Variants in DCBLD2 observed in about 807,000 individuals in gnomAD.
DCBLD2 encodes the protein discoidin, CUB and LCCL domain-containing protein 2.
In DCBLD2, 54 loss-of-function variants were observed where a neutral mutation model predicts 86.8. The ratio of observed to expected loss-of-function variants is 0.62; its 90% CI spans 0.50 to 0.78. DCBLD2 has a LOEUF of 0.78. Ranked by LOEUF, DCBLD2 falls within the 30% of genes least tolerant of loss-of-function variation. DCBLD2 has a pLI of 0.00. For synonymous variants in DCBLD2, 354 were observed against 341.3 expected (o/e 1.04, Z -0.41); for missense variants, 908 against 954.2 (o/e 0.95, Z 0.64).
chr3:98,822,365 A>C lies in DCBLD2; in HGVS notation c.697-4T>G. 1.2e-6 allele frequency: 2 copies of C among 1,606,848 alleles called. No individual in the cohort carries two copies. Among genetic ancestry groups the C allele is most frequent in the Non-Finnish European group, 1.7e-6 (2 of 1,177,872 alleles). On this transcript the variant is annotated splice_region_variant and splice_polypyrimidine_tract_variant and intron_variant, in intron 5 of 15. Coordinates refer to ENST00000326840, the MANE Select transcript of DCBLD2 (RefSeq NM_080927.4). Reference sequence around the variant, plus strand: ...CAGCCATGCACAATGGCGAGGACTTAAGGAAGGGAAAAGAAAAGATTCATT... The same window carrying C: ...CAGCCATGCACAATGGCGAGGACTTCAGGAAGGGAAAAGAAAAGATTCATT...
chr3:98,884,829 G>T (rs551427165), intron 1 of DCBLD2, among the ~76,000 whole-genome samples: 2 of 152,242 alleles, frequency 1.3e-5, no homozygotes, highest in Non-Finnish European at 2.9e-5. Context: ...CTGAATCTAC[G>T]ACTTTGTAGT....
chr3:98,870,735 GAAAA>G (rs1172879709), intron 2 of DCBLD2, among the ~76,000 whole-genome samples: 16 of 60,210 alleles, frequency 2.7e-4, no homozygotes, highest in African/African-American at 1.1e-3. Flanking sequence ...AGAAAAGAAA[GAAAA>G]AGAAAGAAAG....
At chr3:98,844,034 G>GCACACATACACACACA (rs1942671768) in intron 3 of DCBLD2, among the ~76,000 whole-genome samples, 1 of 145,526 alleles carries the variant, frequency 6.9e-6, no homozygotes, top group Admixed American at 6.9e-5. Context: ...AATCATGCAT[G>GCACACATACACACACA]CACACACACA....
At chr3:98,826,318 G>A (rs924182037) in intron 3 of DCBLD2, among the ~76,000 whole-genome samples, 3 of 152,086 alleles carry the variant, frequency 2.0e-5, no homozygotes, top group African/African-American at 7.2e-5. Context: ...TTGGCTTCTC[G>A]CCGCTCCAGT....
intron 4 of DCBLD2, among the ~76,000 whole-genome samples, chr3:98,823,437 C>A (rs979330051): frequency 9.2e-5 from 14 of 152,166 alleles, no homozygotes; most frequent in South Asian, 6.2e-4. Flanking sequence ...AAAAGAGGTG[C>A]ATTCATTCAC....
chr3:98,826,658 C>T (rs764019387), intron 3 of DCBLD2, among the ~76,000 whole-genome samples: 12 of 152,160 alleles, frequency 7.9e-5, no homozygotes, highest in Non-Finnish European at 1.6e-4. Flanking sequence ...TTTGTCCTCA[C>T]CTTTGTATTT....
chr3:98,847,382 C>G (rs977706010), intron 3 of DCBLD2, among the ~76,000 whole-genome samples: 2 of 152,124 alleles, frequency 1.3e-5, no homozygotes, highest in African/African-American at 2.4e-5. Context: ...CTGGTTCTGT[C>G]GAAAATATTA....
At chr3:98,869,514 AT>A (rs1247944666) in intron 2 of DCBLD2, among the ~76,000 whole-genome samples, 5 of 152,138 alleles carry the variant, frequency 3.3e-5, no homozygotes, top group Middle Eastern at 3.2e-3. Context: ...GCCTACGCCA[AT>A]ATCCAGAATT....
intron 2 of DCBLD2, among the ~76,000 whole-genome samples, chr3:98,861,583 C>T (rs1421721523): frequency 6.6e-6 from 1 of 152,074 alleles, no homozygotes; most frequent in Non-Finnish European, 1.5e-5. Context: ...CACTCAAAAC[C>T]GCTCAACAAC....
At chr3:98,844,199 T>C (rs1250045103) in intron 3 of DCBLD2, among the ~76,000 whole-genome samples, 1 of 152,110 alleles carries the variant, frequency 6.6e-6, no homozygotes, top group Non-Finnish European at 1.5e-5. Context: ...ATTCTACAAA[T>C]GTCCAGTTCC....
intron 3 of DCBLD2, among the ~76,000 whole-genome samples, chr3:98,848,950 A>AGG (rs1420641447): frequency 6.6e-6 from 1 of 152,156 alleles, no homozygotes; most frequent in African/African-American, 2.4e-5. Context: ...CAGGCGGATC[A>AGG]CCTGGGGTCA....
At chr3:98,872,603 T>C (rs997558961) in intron 2 of DCBLD2, among the ~76,000 whole-genome samples, 3 of 152,140 alleles carry the variant, frequency 2.0e-5, no homozygotes, top group Non-Finnish European at 4.4e-5. Flanking sequence ...AGAAGTCTAG[T>C]TCATTGAATG....
In DCBLD2 at chr3:98,822,653, T is replaced by G. The variant is rs1332958642; in HGVS notation, c.696+16A>C. ...AGTTATATCACAATTTTCAAATAAG[T>G]TTATATCTGGCTTACATCTCTATAT... On this transcript the variant is annotated intron_variant, in intron 5 of 15. Coordinates refer to ENST00000326840, the MANE Select transcript of DCBLD2 (RefSeq NM_080927.4). 6.4e-7 allele frequency: 1 copy of G among 1,555,786 alleles called. No individual in the cohort carries two copies. Among genetic ancestry groups the G allele is most frequent in the Non-Finnish European group, 8.7e-7 (1 of 1,152,226 alleles).
intron 2 of DCBLD2, among the ~76,000 whole-genome samples, chr3:98,863,942 T>G (rs1943093018): frequency 6.6e-6 from 1 of 152,072 alleles, no homozygotes; most frequent in Non-Finnish European, 1.5e-5. Flanking sequence ...GGGAGAAAAT[T>G]TTTGCAATCT....
rs1170478412 is a variant in DCBLD2 at position 98,799,135 on chromosome 3, T to A, written c.*237A>T. On this transcript the variant is annotated 3_prime_UTR_variant, in exon 16 of 16. Coordinates refer to ENST00000326840, the MANE Select transcript of DCBLD2 (RefSeq NM_080927.4). Reference sequence around the variant, plus strand: ...AGCTTTTTCTGTATTAAAAATAGTGTTCTACAGTAGTATCAAACAGGACAT... The same window carrying A: ...AGCTTTTTCTGTATTAAAAATAGTGATCTACAGTAGTATCAAACAGGACAT... 1 of 438,000 alleles carries A rather than the reference T, an allele frequency of 2.3e-6. No individual in the cohort carries two copies. Among genetic ancestry groups the A allele is most frequent in the Non-Finnish European group, 4.1e-6 (1 of 245,356 alleles). 27.1% of individuals were successfully genotyped at this position (438,000 alleles called of 1,614,324 possible).
chr3:98,867,693 T>C (rs1943178671), intron 2 of DCBLD2, among the ~76,000 whole-genome samples: 1 of 152,116 alleles, frequency 6.6e-6, no homozygotes, highest in African/African-American at 2.4e-5. Flanking sequence ...TACCTTATAA[T>C]GGCAGGAGAG....
At chr3:98,800,780 C>T (rs763583878) in intron 14 of DCBLD2, 64 bp from the exon 15 acceptor site, 29 of 1,600,946 alleles carry the variant, frequency 1.8e-5, no homozygotes, top group Non-Finnish European at 2.5e-5. Context: ...ACAGTAGTAT[C>T]AAGAGAAAAA....
chr3:98,870,785 GAA>G (rs1559794582), intron 2 of DCBLD2, among the ~76,000 whole-genome samples: 1 of 150,536 alleles, frequency 6.6e-6, no homozygotes, highest in Non-Finnish European at 1.5e-5. Flanking sequence ...AAGAAAGAAA[GAA>G]AGAAAGAAAG....
intron 1 of DCBLD2, among the ~76,000 whole-genome samples, chr3:98,898,714 A>G (rs1943793101): frequency 1.3e-5 from 2 of 152,162 alleles, no homozygotes; most frequent in South Asian, 4.1e-4. Flanking sequence ...GTAGACCCTA[A>G]AGAACATCTG....
Sources: allele counts gnomAD v4.1 joint callset (sites outside exome capture counted in the v4.1 genomes callset), GRCh38; gene constraint gnomAD v4.1.1; transcripts MANE v1.5; gene names NCBI Gene and HGNC (gene_info 2026-07-23, HGNC 2026-07-21).